The following PRTG variants were observed in gnomAD, a reference collection of about 807,000 sequenced individuals.
PRTG encodes the protein immunoglobulin superfamily, DCC subclass, member 5.
A neutral mutation model predicts 122.5 loss-of-function variants in PRTG; 67 were observed. The ratio of observed to expected loss-of-function variants is 0.55; its 90% confidence interval spans 0.45 to 0.67. The LOEUF (loss-of-function observed/expected upper bound fraction) is 0.67. PRTG is among the 30% of genes least tolerant of loss of function. PRTG has a pLI of 0.00. For missense variants in PRTG, 1,435 were observed against 1,415.4 expected, an observed-to-expected ratio of 1.01 and a Z score of -0.22; for synonymous variants, 554 against 501.1, an observed-to-expected ratio of 1.11 and a Z score of -1.41.
chr15:55,685,940 G>A (rs1244498113), intron 2 of PRTG, among the ~76,000 whole-genome samples: 2 of 152,062 alleles, frequency 1.3e-5, no homozygotes, highest in African/African-American at 4.8e-5. Context: ...CACTAACATT[G>A]AGCTACTTTT....
chr15:55,651,669 A>T (rs75443545), intron 11 of PRTG, among the ~76,000 whole-genome samples: 1,552 of 152,318 alleles, frequency 0.01, 19 homozygotes, highest in Non-Finnish European at 0.011. Context: ...TGGATCAACA[A>T]TAAGAGATAA....
chr15:55,686,470 C>A (rs1441425445), intron 2 of PRTG, among the ~76,000 whole-genome samples: 1 of 152,130 alleles, frequency 6.6e-6, no homozygotes, highest in Non-Finnish European at 1.5e-5. Context: ...TCTTCCACGA[C>A]CCCACAATGA....
At chr15:55,701,247 G>A (rs1478594159) in intron 2 of PRTG, among the ~76,000 whole-genome samples, 1 of 152,048 alleles carries the variant, frequency 6.6e-6, no homozygotes, top group East Asian at 1.9e-4. Context: ...ATAAGACTCT[G>A]CATTCTTGGC....
At chr15:55,709,975 T>C (rs1029985090) in intron 2 of PRTG, among the ~76,000 whole-genome samples, 4 of 152,050 alleles carry the variant, frequency 2.6e-5, no homozygotes, top group Admixed American at 1.3e-4. Flanking sequence ...GCACTTCAAA[T>C]ATGTGCAGTT....
At chr15:55,631,459 T>C (rs2059227018) in intron 15 of PRTG, among the ~76,000 whole-genome samples, 1 of 152,208 alleles carries the variant, frequency 6.6e-6, no homozygotes, top group African/African-American at 2.4e-5. Flanking sequence ...CATTCCCCTT[T>C]TCCCCCAAAA....
At chr15:55,742,785 G>C (rs1251474372) in intron 1 of PRTG, 53 bp downstream of exon 1, 3 of 1,535,278 alleles carry the variant, frequency 2.0e-6, no homozygotes, top group Non-Finnish European at 1.8e-6. Flanking sequence ...CATCCCACTC[G>C]CGCCCGCTCC....
At chr15:55,738,835 G>C (rs1383866631) in intron 2 of PRTG, among the ~76,000 whole-genome samples, 1 of 145,778 alleles carries the variant, frequency 6.9e-6, no homozygotes, top group African/African-American at 2.6e-5. Flanking sequence ...GAAACAAGGA[G>C]GGAGAATGGT....
At chr15:55,660,350 T>C (rs2059403419) in intron 11 of PRTG, among the ~76,000 whole-genome samples, 1 of 152,154 alleles carries the variant, frequency 6.6e-6, no homozygotes, top group Non-Finnish European at 1.5e-5. Context: ...CATGTGCTAA[T>C]GGGTTTCTTT....
chr15:55,639,935 C>G, intron 12 of PRTG, 107 bp from the exon 13 acceptor site: 1 of 1,486,898 alleles, frequency 6.7e-7, no homozygotes. Context: ...GATTTTAGGT[C>G]TTTCTTCCAC....
chr15:55,645,741 AG>A (rs1186523516), intron 11 of PRTG, among the ~76,000 whole-genome samples: 1 of 152,150 alleles, frequency 6.6e-6, no homozygotes, highest in African/African-American at 2.4e-5. Flanking sequence ...AAAATGCCAC[AG>A]GGAACCAGTC....
chr15:55,677,995 A>C lies in PRTG; in HGVS notation c.1183T>G (p.Cys395Gly). The change falls in exon 8 of 20, where the codon TGC becomes GGC. Residue 395 changes from cysteine (C) to glycine (G), a missense_variant. Cys to Gly is a radical substitution (Grantham distance 159). Coordinates refer to ENST00000389286, the MANE Select transcript of PRTG (RefSeq NM_173814.6). Reference protein sequence around the residue: ...IIPEDDAIYQCMAENSQGSIL... With the variant: ...IIPEDDAIYQGMAENSQGSIL... ...GATCCTTGGCTATTCTCAGCCATGCACTGATAAATAGCATCATCTTCAGGA... is the reference window on the plus strand; with the variant it reads ...GATCCTTGGCTATTCTCAGCCATGCCCTGATAAATAGCATCATCTTCAGGA... 1 of 1,604,936 alleles carries C rather than the reference A, an allele frequency of 6.2e-7. No individual in the cohort carries two copies. The highest frequency in any genetic ancestry group is 8.5e-7 in the Non-Finnish European group (1 of 1,172,134).
In PRTG at chr15:55,673,371, C is replaced by T. The variant is rs906677254; in HGVS notation, c.1852G>A (p.Ala618Thr). 6.2e-7 allele frequency: 1 copy of T among 1,604,582 alleles called. No individual in the cohort carries two copies. Among genetic ancestry groups the T allele is most frequent in the Non-Finnish European group, 8.5e-7 (1 of 1,172,524 alleles). The change falls in exon 10 of 20, where the codon GCC (alanine) becomes ACC (threonine). Residue 618 changes from alanine to threonine, a missense_variant and splice_region_variant. Physicochemically the swap from Ala to Thr is moderately conservative, Grantham distance 58. Coordinates refer to ENST00000389286, the MANE Select transcript of PRTG (RefSeq NM_173814.6). ...TTCTTAACAGTCTTCAGAAATTCAC[C>T]TTTCACGCTTGTAGCTTTGGGCGTC... is the stretch of plus-strand genomic sequence containing the variant. ...HRTPKATSVKAPKSPELHLEP... is the reference protein window; with the variant it reads ...HRTPKATSVKTPKSPELHLEP...
chr15:55,639,913 A>C, intron 12 of PRTG, 85 bp from the exon 13 acceptor site: 1 of 1,525,082 alleles, frequency 6.6e-7, no homozygotes, highest in South Asian at 1.3e-5. Flanking sequence ...ATAATATCCC[A>C]CCCTATAAGT....
chr15:55,685,287 T>A (rs1393192637), intron 2 of PRTG, among the ~76,000 whole-genome samples: 1 of 152,290 alleles, frequency 6.6e-6, no homozygotes, highest in East Asian at 1.9e-4. Context: ...TGTAGATAGA[T>A]CACAGGCCTT....
At chr15:55,717,019 G>A (rs1474226008) in intron 2 of PRTG, among the ~76,000 whole-genome samples, 1 of 152,166 alleles carries the variant, frequency 6.6e-6, no homozygotes, top group African/African-American at 2.4e-5. Flanking sequence ...TACTCAATAT[G>A]AAACCATTTG....
rs1375675278 is a variant in PRTG, at chr15:55,619,848, T to A, written c.*164A>T. The stretch of plus-strand genomic sequence containing the variant: ...GAACAGATTTAATGGTGAGAATACC[T>A]GAGCATGGCCGTCTAGATTGGAAAA... On this transcript the variant is annotated 3_prime_UTR_variant, in exon 20 of 20. Transcript: ENST00000389286. 6 of 1,183,774 alleles carry A rather than the reference T, an allele frequency of 5.1e-6. No individual in the cohort carries two copies. The highest frequency in any genetic ancestry group is 7.0e-6 in the Non-Finnish European group (6 of 858,260). The allele number at this position is 1,183,774 out of a possible 1,614,324, so 73.3% of individuals were successfully genotyped here. A position where few individuals can be genotyped will look rare whatever the true frequency, so the allele number is the denominator to read the frequency against.
At chr15:55,628,340 C>T (rs2059207104) in intron 16 of PRTG, among the ~76,000 whole-genome samples, 1 of 150,362 alleles carries the variant, frequency 6.7e-6, no homozygotes, top group Admixed American at 6.6e-5. Context: ...GTAAGGGTAG[C>T]TCTTTAAAGA....
intron 2 of PRTG, among the ~76,000 whole-genome samples, chr15:55,732,341 C>T (rs1567119153): frequency 6.6e-6 from 1 of 151,850 alleles, no homozygotes; most frequent in Non-Finnish European, 1.5e-5. Flanking sequence ...TATGCCACCA[C>T]ACCCAGCTAA....
chr15:55,680,364 CA>C (rs1409265093), intron 5 of PRTG, 126 bp downstream of exon 5: 14 of 1,202,998 alleles, frequency 1.2e-5, no homozygotes, highest in South Asian at 3.9e-5. Context: ...ACTGAAATGC[CA>C]AAAAAATTAA....
Sources: gnomAD v4.1 joint callset for allele counts (sites outside exome capture counted in the v4.1 genomes callset) on GRCh38, gnomAD v4.1.1 for gene constraint, MANE v1.5 for transcripts, NCBI Gene and HGNC (gene_info 2026-07-23, HGNC 2026-07-21) for gene names.